C2CD2: variants seen among roughly 807,000 people sequenced by gnomAD.
C2CD2 encodes the protein C2 domain-containing protein 2.
A neutral mutation model predicts 74.3 loss-of-function variants in C2CD2; 43 were observed. The observed-to-expected ratio is 0.58, with a 90% confidence interval of 0.45 to 0.75. The LOEUF is 0.75. Among genes scored for constraint, C2CD2 ranks in the 30% least tolerant of loss-of-function variants. The pLI is 0.00. For missense variants in C2CD2, 801 were observed against 916.3 expected (o/e 0.87, Z 1.63); for synonymous variants, 422 against 390.7 (o/e 1.08, Z -0.94).
intron 2 of C2CD2, among the ~76,000 whole-genome samples, chr21:41,935,744 C>T (rs926077150): frequency 2.0e-5 from 3 of 151,938 alleles, no homozygotes; most frequent in African/African-American, 4.8e-5. Context: ...CCCAGCTACT[C>T]GGGAGGCTGA....
rs1157067090 is a variant in C2CD2, at chr21:41,929,850, A to G, written c.379-7765T>C. Among the ~76,000 whole-genome samples the G allele has an allele frequency of 6.6e-6, 1 of 152,234 alleles. No individual in the cohort carries two copies. Among genetic ancestry groups the G allele is most frequent in the Non-Finnish European group, 1.5e-5 (1 of 68,036 alleles). The stretch of plus-strand genomic sequence containing the variant: ...TTCAGGCAGTGGCTGCTAGCAGAGT[A>G]TGATGAACAAGAGCAGGTCTGGTAT... On this transcript the variant is annotated intron_variant, in intron 2 of 13. Coordinates refer to ENST00000380486, the MANE Select transcript of C2CD2 (RefSeq NM_015500.2). This position sits in a 1 kb window ranked among gnomAD's most constrained non-coding sequence, Gnocchi z 4.6.
At chr21:41,941,896 C>T (rs1394836564) in intron 2 of C2CD2, among the ~76,000 whole-genome samples, 6 of 152,172 alleles carry the variant, frequency 3.9e-5, no homozygotes, top group East Asian at 1.9e-4. Flanking sequence ...CTACTTGACA[C>T]GGTATTTTCA....
intron 13 of C2CD2, among the ~76,000 whole-genome samples, chr21:41,890,652 T>C (rs77121207): frequency 0.018 from 2,737 of 152,314 alleles, 75 homozygotes; most frequent in African/African-American, 0.062. Context: ...TTATTCCCTT[T>C]GTGATAGGCA....
rs527731556 is a variant in C2CD2 at position 41,938,992 on chromosome 21, T to C, written c.378+3155A>G. 3.3e-4 allele frequency among the ~76,000 whole-genome samples: 50 copies of C among 152,224 alleles called. No individual in the cohort carries two copies. In the Middle Eastern group the frequency reaches 0.01, roughly 31 times the overall value. On this transcript the variant is annotated intron_variant, in intron 2 of 13. Coordinates refer to ENST00000380486, the MANE Select transcript of C2CD2 (RefSeq NM_015500.2). ...CTCCTGACCTCATGATCCGCCCACC[T>C]TGGCCTCCCAAAGTGCTGGGATTAT...
rs557846756 is a variant in C2CD2 at position 41,885,357 on chromosome 21, A to G, written c.*3767T>C. On this transcript the variant is annotated 3_prime_UTR_variant, in exon 14 of 14. Coordinates refer to ENST00000380486, the MANE Select transcript of C2CD2 (RefSeq NM_015500.2). ...TCTCTTTTTACAATGCAGTTTCGAC[A>G]TAACATTGGTAGAGTAAACAACAAA... 7.2e-4 allele frequency: 110 copies of G among 152,728 alleles called. No homozygotes were observed. The highest frequency in any genetic ancestry group is 2.2e-3 in the African/African-American group (92 of 41,584). 9.5% of individuals were successfully genotyped at this position (152,728 alleles called of 1,614,324 possible). A position where few individuals can be genotyped will look rare whatever the true frequency, so the allele number is the denominator to read the frequency against.
intron 3 of C2CD2, 26 bp downstream of exon 3, chr21:41,921,946 A>T: frequency 6.9e-7 from 1 of 1,450,766 alleles, no homozygotes; most frequent in Non-Finnish European, 9.7e-7. Context: ...CGGGTCTCAT[A>T]ACTTGCAAAG....
At chr21:41,953,036 A>C in intron 1 of C2CD2, 2 of 301,948 alleles carry the variant, frequency 6.6e-6, no homozygotes, top group Non-Finnish European at 1.2e-5. Context: ...CCGATCGGGC[A>C]CGGGAATTCG....
At chr21:41,930,134 G>A (rs550945822) in intron 2 of C2CD2, among the ~76,000 whole-genome samples, 2 of 149,386 alleles carry the variant, frequency 1.3e-5, no homozygotes, top group East Asian at 3.9e-4. Flanking sequence ...TCTTCCGGTG[G>A]GAGAGAGTTT....
At position 41,933,439 on chromosome 21, in the gene C2CD2, G is replaced by C. The variant is rs929905800; in HGVS notation, c.378+8708C>G. On this transcript the variant is annotated intron_variant, in intron 2 of 13. Transcript: ENST00000380486. ...GTTCTAGGGCTGAACTCACCGAACA[G>C]TGTTAACAAAAAGAGGCCTTGCTGT... Among the ~76,000 whole-genome samples, 9 of 152,294 alleles carry C rather than the reference G, an allele frequency of 5.9e-5. No homozygotes were observed. The South Asian group carries it at 6.2e-4, about 11-fold the overall frequency.
chr21:41,908,453 G>A (rs573494245), intron 8 of C2CD2: 164 of 152,858 alleles, frequency 1.1e-3, no homozygotes, highest in Middle Eastern at 6.8e-3. Flanking sequence ...AGTGAGGCCA[G>A]AAGGAGTGGG....
chr21:41,907,284 A>G (rs1344275502), intron 9 of C2CD2, 118 bp from the exon 10 acceptor site: 1 of 816,150 alleles, frequency 1.2e-6, no homozygotes, highest in African/African-American at 1.7e-5. Flanking sequence ...CCTTAAGGTC[A>G]CTTAGCATCT....
intron 1 of C2CD2, among the ~76,000 whole-genome samples, chr21:41,951,329 C>T (rs2065448900): frequency 6.6e-6 from 1 of 152,212 alleles, no homozygotes; most frequent in African/African-American, 2.4e-5. Flanking sequence ...AATCAAATGA[C>T]ATTCCCAGGC....
Position 41,924,710 on chromosome 21 carries a change from AAAAT to A in C2CD2, c.379-2629_379-2626del, listed in dbSNP as rs2065190542. ...TGCTTAAAGTAAAAAATAAAAAATA[AAAAT>A]AAATTTAAAAACCCAACCCTGACTC... On this transcript the variant is annotated intron_variant, in intron 2 of 13. Coordinates refer to ENST00000380486, the MANE Select transcript of C2CD2 (RefSeq NM_015500.2). The surrounding 1 kb of genome is among the most constrained non-coding windows in gnomAD (Gnocchi z 4.4). 6.6e-6 allele frequency among the ~76,000 whole-genome samples: 1 copy of A among 152,176 alleles called. No individual in the cohort carries two copies. The highest frequency in any genetic ancestry group is 2.4e-5 in the African/African-American group (1 of 41,424).
At chr21:41,947,713 C>T (rs2065413256) in intron 1 of C2CD2, among the ~76,000 whole-genome samples, 2 of 152,238 alleles carry the variant, frequency 1.3e-5, no homozygotes, top group South Asian at 4.1e-4. Flanking sequence ...CTAAATGTCT[C>T]ACACAGATCT....
Position 41,901,702 on chromosome 21 carries a change from G to C in C2CD2, c.1480C>G (p.Arg494Gly). 1.9e-6 allele frequency: 3 copies of C among 1,613,690 alleles called. No homozygotes were observed. Among genetic ancestry groups the C allele is most frequent in the Non-Finnish European group, 1.7e-6 (2 of 1,179,598 alleles). The stretch of plus-strand genomic sequence containing the variant: ...AGCTTTGAAGATTCACTGAGCTGTC[G>C]AATGGCCACTTCAGCCACTGGATCC... ...GSDPVAEVAI[R>G]QLSESSKLKL... Residue 494 changes from arginine to glycine, a missense_variant, in exon 12 of 14, where the codon CGA (arginine) becomes GGA (glycine). Coordinates refer to ENST00000380486, the MANE Select transcript of C2CD2 (RefSeq NM_015500.2).
rs557910825 is a variant in C2CD2, at chr21:41,886,637, C to G, written c.*2487G>C. 49 of 145,688 alleles carry G rather than the reference C, an allele frequency of 3.4e-4. No individual in the cohort carries two copies. The highest frequency in any genetic ancestry group is 1.3e-3 in the African/African-American group (49 of 38,480). The allele number at this position is 145,688 out of a possible 1,614,324, so 9.0% of individuals were successfully genotyped here. ...AGTAAGCAGCGCTCATGGGATTCAT[C>G]TGGAAATGGAATAGTTAAAACCTTT... On this transcript the variant is annotated 3_prime_UTR_variant, in exon 14 of 14. Coordinates refer to ENST00000380486, the MANE Select transcript of C2CD2 (RefSeq NM_015500.2).
In C2CD2 at chr21:41,888,014, C is replaced by G. The variant is rs1326484658; in HGVS notation, c.*1110G>C. On this transcript the variant is annotated 3_prime_UTR_variant, in exon 14 of 14. Transcript: ENST00000380486. ...GGTGTGCCAGGTTTGTGATGTTTTC[C>G]ACCAAAACAAACCCAAACAAGGGCA... 6.6e-6 allele frequency: 1 copy of G among 152,388 alleles called. No individual in the cohort carries two copies. Among genetic ancestry groups the G allele is most frequent in the Non-Finnish European group, 1.5e-5 (1 of 68,032 alleles). The allele number at this position is 152,388 out of a possible 1,614,324, so 9.4% of individuals were successfully genotyped here.
chr21:41,917,438 C>T (rs997887584), intron 5 of C2CD2, among the ~76,000 whole-genome samples: 1 of 152,102 alleles, frequency 6.6e-6, no homozygotes, highest in Non-Finnish European at 1.5e-5. Flanking sequence ...GCCTGTTGTA[C>T]GTAATCATGA....
chr21:41,897,401 ACT>A (rs938751130), intron 13 of C2CD2, among the ~76,000 whole-genome samples: 4 of 152,170 alleles, frequency 2.6e-5, no homozygotes, highest in African/African-American at 9.6e-5. Flanking sequence ...CCCAGCACTC[ACT>A]GTCTACAAGA....
Sources: allele counts gnomAD v4.1 joint callset (sites outside exome capture counted in the v4.1 genomes callset), GRCh38; gene constraint gnomAD v4.1.1; non-coding constraint Gnocchi (gnomAD v3.1); transcripts MANE v1.5; gene names NCBI Gene and HGNC (gene_info 2026-07-23, HGNC 2026-07-21).